ROR1: variants seen among roughly 807,000 people sequenced by gnomAD.
ROR1 encodes ROR family WNT receptor 1.
Under a neutral mutation model 78.8 loss-of-function variants are expected in ROR1, and 19 were observed. The observed-to-expected ratio is 0.24, with a 90% confidence interval of 0.17 to 0.35. ROR1 has a LOEUF of 0.35. ROR1 is among the 10% of genes least tolerant of loss of function. The pLI is 1.00. For synonymous variants in ROR1, 386 were observed against 433.6 expected (o/e 0.89, Z 1.36); for missense variants, 917 against 1,177.8 (o/e 0.78, Z 3.24).
At chr1:63,885,746 T>G (rs1377477338) in intron 1 of ROR1, among the ~76,000 whole-genome samples, 2 of 152,132 alleles carry the variant, frequency 1.3e-5, no homozygotes, top group African/African-American at 2.4e-5. Context: ...GGGTATAGGA[T>G]CAATGCAACC....
intron 1 of ROR1, among the ~76,000 whole-genome samples, chr1:63,826,607 C>G (rs1373320390): frequency 6.6e-6 from 1 of 151,796 alleles, no homozygotes; most frequent in Non-Finnish European, 1.5e-5. Flanking sequence ...GGGTACATAC[C>G]CAGTAGTGGG....
At chr1:63,784,314 G>A (rs567469276) in intron 1 of ROR1, among the ~76,000 whole-genome samples, 8 of 152,188 alleles carry the variant, frequency 5.3e-5, no homozygotes, top group Non-Finnish European at 1.0e-4. Context: ...TTGGACTTAG[G>A]GCCCATTGAA....
At chr1:63,933,345 A>G (rs1645769062) in intron 1 of ROR1, among the ~76,000 whole-genome samples, 1 of 152,148 alleles carries the variant, frequency 6.6e-6, no homozygotes, top group Non-Finnish European at 1.5e-5. Flanking sequence ...AGTCATTGAG[A>G]TTCTCCATGT....
At position 64,119,862 on chromosome 1, in the gene ROR1, T is replaced by C. The variant is rs185853599; in HGVS notation, c.483-17507T>C. The stretch of plus-strand genomic sequence containing the variant: ...TGGGTAAGAAAGGGCAGAGCTAGGA[T>C]TTGAACTCTGGTTTATTTGATTCCA... On this transcript the variant is annotated intron_variant, in intron 4 of 8. Transcript: ENST00000371079. Among the ~76,000 whole-genome samples the C allele has an allele frequency of 5.3e-5, 8 of 152,260 alleles. No individual in the cohort carries two copies. In the East Asian group the frequency reaches 1.5e-3, roughly 29 times the overall value.
chr1:64,046,306 CTAAG>C (rs1416816410), intron 2 of ROR1, among the ~76,000 whole-genome samples: 4 of 151,854 alleles, frequency 2.6e-5, no homozygotes, highest in Non-Finnish European at 4.4e-5. Flanking sequence ...GTTCTGCTTA[CTAAG>C]TAAGCAGCTA....
chr1:63,837,568 G>C (rs1306350884), intron 1 of ROR1, among the ~76,000 whole-genome samples: 1 of 152,106 alleles, frequency 6.6e-6, no homozygotes, highest in East Asian at 1.9e-4. Context: ...ATAATTAATT[G>C]TTTGTGGCTG....
At chr1:63,800,598 T>C (rs189349922) in intron 1 of ROR1, among the ~76,000 whole-genome samples, 32 of 152,266 alleles carry the variant, frequency 2.1e-4, no homozygotes, top group Non-Finnish European at 3.5e-4. Context: ...AGACAGACAA[T>C]GATTGGATGT....
chr1:64,084,459 TTTCATTAATATAATATA>T (rs1226088962), intron 4 of ROR1, among the ~76,000 whole-genome samples: 1 of 152,234 alleles, frequency 6.6e-6, no homozygotes, highest in East Asian at 1.9e-4. Flanking sequence ...GAAATTATTG[TTTCATTAATATAATATA>T]TTCAACCTTG....
intron 1 of ROR1, among the ~76,000 whole-genome samples, chr1:63,892,285 C>T (rs534094339): frequency 6.6e-6 from 1 of 152,238 alleles, no homozygotes; most frequent in East Asian, 1.9e-4. Flanking sequence ...CACTTCGCTG[C>T]ATCTGGGAGG....
chr1:63,910,664 G>A (rs1256491436), intron 1 of ROR1, among the ~76,000 whole-genome samples: 1 of 152,064 alleles, frequency 6.6e-6, no homozygotes, highest in African/African-American at 2.4e-5. Context: ...CTCCTGCATG[G>A]CCATTTGTGT....
intron 2 of ROR1, among the ~76,000 whole-genome samples, chr1:64,038,705 A>T (rs571959067): frequency 6.6e-6 from 1 of 152,172 alleles, no homozygotes; most frequent in Non-Finnish European, 1.5e-5. Context: ...TGTAGCCAGG[A>T]TGAGTGATCT....
At chr1:63,838,606 A>G (rs1316897734) in intron 1 of ROR1, among the ~76,000 whole-genome samples, 1 of 152,172 alleles carries the variant, frequency 6.6e-6, no homozygotes, top group African/African-American at 2.4e-5. Context: ...GTCCAGAGTT[A>G]AAAAAATAAA....
At chr1:64,098,670 G>A (rs893513744) in intron 4 of ROR1, among the ~76,000 whole-genome samples, 1 of 152,070 alleles carries the variant, frequency 6.6e-6, no homozygotes, top group Admixed American at 6.6e-5. Flanking sequence ...GATTCTTCAG[G>A]ATCAGTCCTG....
At chr1:63,884,930 A>T (rs956049962) in intron 1 of ROR1, among the ~76,000 whole-genome samples, 1 of 152,092 alleles carries the variant, frequency 6.6e-6, no homozygotes, top group African/African-American at 2.4e-5. Context: ...CTCTGGAACC[A>T]GACTGCCTTC....
rs55806972 is a variant in ROR1, at chr1:64,049,734, G to A, written c.207G>A (p.Thr69=). 6,967 of 1,613,958 alleles carry A rather than the reference G, an allele frequency of 4.3e-3. 20 individuals carry two copies. Among genetic ancestry groups the A allele is most frequent in the Non-Finnish European group, 5.5e-3 (6,542 of 1,179,934 alleles). ...ATGAACCAATGAATAACATCACCAC[G>A]TCTCTGGGCCAGACAGCAGAACTGC... ...TLDEPMNNIT[T]SLGQTAELHC... The change falls in exon 3 of 9, where the codon ACG becomes ACA. Residue 69 remains threonine, a synonymous_variant. Coordinates refer to ENST00000371079, the MANE Select transcript of ROR1 (RefSeq NM_005012.4).
At chr1:63,811,527 C>G (rs994247206) in intron 1 of ROR1, among the ~76,000 whole-genome samples, 3 of 152,190 alleles carry the variant, frequency 2.0e-5, no homozygotes, top group African/African-American at 7.2e-5. Context: ...CTGTGGGCAG[C>G]TGATTTTAGT....
intron 1 of ROR1, among the ~76,000 whole-genome samples, chr1:63,889,192 TCA>T (rs919645757): frequency 1.3e-5 from 2 of 152,134 alleles, no homozygotes; most frequent in Non-Finnish European, 2.9e-5. Flanking sequence ...AAGATGGAAG[TCA>T]CAGTCTTTTA....
chr1:63,803,174 A>G (rs1045921454), intron 1 of ROR1, among the ~76,000 whole-genome samples: 102 of 152,290 alleles, frequency 6.7e-4, no homozygotes, highest in African/African-American at 2.4e-3. Context: ...ACACTTGGAG[A>G]TACAAGCCTC....
intron 1 of ROR1, among the ~76,000 whole-genome samples, chr1:63,806,371 G>A (rs1052150037): frequency 1.4e-5 from 2 of 148,040 alleles, no homozygotes; most frequent in African/African-American, 5.0e-5. Flanking sequence ...AGGCTGGAGT[G>A]CAGTGGCACA....
Sources: gnomAD v4.1 joint callset for allele counts (sites outside exome capture counted in the v4.1 genomes callset) on GRCh38, gnomAD v4.1.1 for gene constraint, MANE v1.5 for transcripts, NCBI Gene and HGNC (gene_info 2026-07-23, HGNC 2026-07-21) for gene names.